Variants in HTR1F observed in about 807,000 individuals in gnomAD.
The protein encoded by HTR1F is 5-hydroxytryptamine (serotonin) receptor 1F, G protein-coupled.
Under a neutral mutation model 24.0 loss-of-function variants are expected in HTR1F, and 17 were observed. The ratio of observed to expected loss-of-function variants is 0.71; its 90% confidence interval spans 0.48 to 1.06. The LOEUF (loss-of-function observed/expected upper bound fraction) is 1.06. Among genes scored for constraint, HTR1F ranks in the 50% least tolerant of loss-of-function variants. The pLI, the probability that HTR1F is intolerant of heterozygous loss-of-function variation, is 0.00. For missense variants in HTR1F, 391 were observed against 427.8 expected, an observed-to-expected ratio of 0.91 and a Z score of 0.76; for synonymous variants, 186 against 156.8, an observed-to-expected ratio of 1.19 and a Z score of -1.39.
At chr3:87,823,071 T>A (rs1381530585) in intron 2 of HTR1F, among the ~76,000 whole-genome samples, 2 of 152,188 alleles carry the variant, frequency 1.3e-5, no homozygotes, top group Non-Finnish European at 2.9e-5. Flanking sequence ...CATAGGATAG[T>A]CACTTGTCAT....
chr3:87,960,999 T>TGC (rs147193870), intron 2 of HTR1F, among the ~76,000 whole-genome samples: 2,593 of 149,100 alleles, frequency 0.017, 64 homozygotes, highest in African/African-American at 0.057. Context: ...CTTGGTATGG[T>TGC]GCACACACAC....
chr3:87,913,239 A>T (rs1703819895), intron 2 of HTR1F, among the ~76,000 whole-genome samples: 1 of 152,048 alleles, frequency 6.6e-6, no homozygotes, highest in Non-Finnish European at 1.5e-5. Flanking sequence ...AAAAACATTA[A>T]AAGACAGAAA....
intron 2 of HTR1F, among the ~76,000 whole-genome samples, chr3:87,900,585 T>A (rs554847568): frequency 6.6e-6 from 1 of 152,258 alleles, no homozygotes; most frequent in Admixed American, 6.5e-5. Flanking sequence ...GAGCAGAATA[T>A]AACATAAGCC....
chr3:87,797,376 A>C (rs997551977), intron 1 of HTR1F, among the ~76,000 whole-genome samples: 3 of 152,212 alleles, frequency 2.0e-5, no homozygotes, highest in African/African-American at 7.2e-5. Flanking sequence ...CATATGTTAA[A>C]ATTAAAAGAT....
At chr3:87,980,021 A>G (rs1490663006) in intron 2 of HTR1F, among the ~76,000 whole-genome samples, 1 of 152,292 alleles carries the variant, frequency 6.6e-6, no homozygotes, top group East Asian at 1.9e-4. Context: ...TGGAAAGGCC[A>G]CAACTCTTCT....
intron 2 of HTR1F, among the ~76,000 whole-genome samples, chr3:87,887,526 G>T (rs958381671): frequency 1.3e-5 from 2 of 152,076 alleles, no homozygotes; most frequent in African/African-American, 2.4e-5. Flanking sequence ...ACTACCATCA[G>T]AGTGAACAGG....
At chr3:87,931,367 A>C (rs1336273612) in intron 2 of HTR1F, among the ~76,000 whole-genome samples, 1 of 152,176 alleles carries the variant, frequency 6.6e-6, no homozygotes, top group Non-Finnish European at 1.5e-5. Context: ...GTCCCTACAA[A>C]GGACGTGAAC....
At chr3:87,902,840 T>C (rs1264115500) in intron 2 of HTR1F, among the ~76,000 whole-genome samples, 3 of 147,008 alleles carry the variant, frequency 2.0e-5, no homozygotes, top group Non-Finnish European at 3.0e-5. Flanking sequence ...TGAGTGAGAA[T>C]ATGCGGTGTT....
chr3:87,844,192 G>T (rs563504918), intron 2 of HTR1F, among the ~76,000 whole-genome samples: 20 of 151,970 alleles, frequency 1.3e-4, no homozygotes, highest in South Asian at 6.2e-4. Context: ...ATCAGCTGTT[G>T]TTTCCTGACT....
chr3:87,931,026 C>CTTTTTTTTTTTTTTTTTTTTTTTT (rs34617109), intron 2 of HTR1F, among the ~76,000 whole-genome samples: 22 of 131,792 alleles, frequency 1.7e-4, no homozygotes, highest in East Asian at 4.6e-4. Context: ...ATAGTCTTTC[C>CTTTTTTTTTTTTTTTTTTTTTTTT]TTTTTTTTTT....
intron 2 of HTR1F, among the ~76,000 whole-genome samples, chr3:87,953,686 A>G (rs1323500012): frequency 6.6e-6 from 1 of 151,844 alleles, no homozygotes; most frequent in African/African-American, 2.4e-5. Flanking sequence ...ACTACTAGGT[A>G]TTTATCAAAA....
At chr3:87,856,416 A>G (rs1705200746) in intron 2 of HTR1F, among the ~76,000 whole-genome samples, 1 of 152,024 alleles carries the variant, frequency 6.6e-6, no homozygotes, top group Non-Finnish European at 1.5e-5. Context: ...TCAATTTTAC[A>G]GTGAACCCAA....
chr3:87,925,959 T>C (rs1441901105), intron 2 of HTR1F, among the ~76,000 whole-genome samples: 1 of 152,196 alleles, frequency 6.6e-6, no homozygotes, highest in Non-Finnish European at 1.5e-5. Context: ...TATTTGTTGT[T>C]TTTGTCATTT....
Position 87,908,221 on chromosome 3 carries a change from G to C in HTR1F, c.-42-82487G>C, listed in dbSNP as rs182483762. The stretch of plus-strand genomic sequence containing the variant: ...ATCTATCATAAGAGATTCTGATACA[G>C]TGATACTTTATGTAGAACAGTTCAA... On this transcript the variant is annotated intron_variant, in intron 2 of 2. Coordinates refer to ENST00000319595, the MANE Select transcript of HTR1F (RefSeq NM_001322209.2). 2.0e-5 allele frequency among the ~76,000 whole-genome samples: 3 copies of C among 152,016 alleles called. No individual in the cohort carries two copies. In the East Asian group the frequency reaches 5.8e-4, roughly 29 times the overall value.
chr3:87,897,001 G>A (rs1706212477), intron 2 of HTR1F, among the ~76,000 whole-genome samples: 1 of 151,898 alleles, frequency 6.6e-6, no homozygotes, highest in African/African-American at 2.4e-5. Context: ...TAATATGAAT[G>A]TTCCTCAAAA....
chr3:87,804,655 G>A (rs571896688), intron 1 of HTR1F, among the ~76,000 whole-genome samples: 2 of 151,978 alleles, frequency 1.3e-5, no homozygotes, highest in South Asian at 4.1e-4. Context: ...TTGTGCTCAC[G>A]TTACTATAGA....
chr3:87,798,740 T>C (rs1159752574), intron 1 of HTR1F, among the ~76,000 whole-genome samples: 6 of 152,176 alleles, frequency 3.9e-5, no homozygotes, highest in Admixed American at 3.9e-4. Flanking sequence ...AAGCTACTGA[T>C]CACTGAAAAC....
intron 2 of HTR1F, among the ~76,000 whole-genome samples, chr3:87,878,447 G>A (rs1705717762): frequency 6.6e-6 from 1 of 152,172 alleles, no homozygotes; most frequent in African/African-American, 2.4e-5. Context: ...GACAGAGATA[G>A]AATAAAAGAG....
In HTR1F at chr3:87,876,880, CAT is replaced by C. The variant is rs1705682758; in HGVS notation, c.-43+54764_-43+54765del. ...CTTTTCATTAAAGCCATATAAAGTTCATATATATAAAACTACTGTACTGTACA... is the reference window on the plus strand; with the variant it reads ...CTTTTCATTAAAGCCATATAAAGTTCATATATAAAACTACTGTACTGTACA... On this transcript the variant is annotated intron_variant, in intron 2 of 2. Coordinates refer to ENST00000319595, the MANE Select transcript of HTR1F (RefSeq NM_001322209.2). 3.3e-5 allele frequency among the ~76,000 whole-genome samples: 5 copies of C among 152,096 alleles called. No individual in the cohort carries two copies. In the South Asian group the frequency reaches 1.0e-3, roughly 32 times the overall value.
Sources: allele counts gnomAD v4.1 joint callset (sites outside exome capture counted in the v4.1 genomes callset), GRCh38; gene constraint gnomAD v4.1.1; transcripts MANE v1.5; gene names NCBI Gene and HGNC (gene_info 2026-07-23, HGNC 2026-07-21).